CSNK1E: variants seen among roughly 807,000 people sequenced by gnomAD.
CSNK1E encodes casein kinase 1 epsilon.
CSNK1E carries 17 observed loss-of-function variants against 46.1 expected under a neutral mutation model. The observed-to-expected ratio is 0.37, with a 90% CI of 0.25 to 0.55. The LOEUF (loss-of-function observed/expected upper bound fraction) is 0.55. Ranked by LOEUF, CSNK1E falls within the 20% of genes least tolerant of loss-of-function variation. CSNK1E has a pLI of 0.82. For missense variants in CSNK1E, 386 were observed against 595.4 expected, an observed-to-expected ratio of 0.65 and a Z score of 3.66; for synonymous variants, 241 against 242.6, an observed-to-expected ratio of 0.99 and a Z score of 0.06.
At position 38,304,982 on chromosome 22, in the gene CSNK1E, C is replaced by T. The variant is rs139372358; in HGVS notation, c.77-1734G>A. ...ACCAAAAATACAAAAATTAGCCGGG[C>T]GCAGTGGCAGGCATCTGTAATCCCA... On this transcript the variant is annotated intron_variant, in intron 2 of 10. Transcript: ENST00000396832. 1.6e-4 allele frequency among the ~76,000 whole-genome samples: 25 copies of T among 151,968 alleles called. No homozygotes were observed. In the East Asian group the frequency reaches 4.6e-3, roughly 28 times the overall value.
chr22:38,297,202 C>T, intron 7 of CSNK1E: 1 of 770,382 alleles, frequency 1.3e-6, no homozygotes, highest in Non-Finnish European at 2.4e-6. Context: ...AGCTGGAGGG[C>T]CAAGCCCATC....
chr22:38,308,156 C>T (rs1483641308), intron 2 of CSNK1E, among the ~76,000 whole-genome samples: 3 of 152,140 alleles, frequency 2.0e-5, no homozygotes, highest in African/African-American at 7.2e-5. Flanking sequence ...AATCATACAA[C>T]GTGATTTTTT....
Position 38,290,939 on chromosome 22 carries a change from T to A in CSNK1E, c.*1032A>T, listed in dbSNP as rs1398094059. 1 of 141,284 alleles carries A rather than the reference T, an allele frequency of 7.1e-6. No individual in the cohort carries two copies. The highest frequency in any genetic ancestry group is 2.7e-5 in the African/African-American group (1 of 37,556). The allele number at this position is 141,284 out of a possible 1,614,324, so 8.8% of individuals were successfully genotyped here. A position where few individuals can be genotyped will look rare whatever the true frequency, so the allele number is the denominator to read the frequency against. The stretch of plus-strand genomic sequence containing the variant: ...ACGGAGAAAACAAACAAAAATAAAA[T>A]AAAATAAAAACAAAAAGGTGTTAAC... On this transcript the variant is annotated 3_prime_UTR_variant, in exon 11 of 11. Coordinates refer to ENST00000396832, the MANE Select transcript of CSNK1E (RefSeq NM_152221.3).
rs1400087823 is a variant in CSNK1E at position 38,303,270 on chromosome 22, G to A, written c.77-22C>T. 6 of 1,575,666 alleles carry A rather than the reference G, an allele frequency of 3.8e-6. No homozygotes were observed. In the Admixed American group the frequency reaches 5.3e-5, roughly 14 times the overall value. On this transcript the variant is annotated intron_variant, in intron 2 of 10. Transcript: ENST00000396832. This position sits in a 1 kb window ranked among gnomAD's most constrained non-coding sequence, Gnocchi z 4.7. ...GCACCTGCCCGGGGCAGGGAGGCAA[G>A]GGACCAGGGTCACCCTCAAAGGCCA...
intron 4 of CSNK1E, 81 bp from the exon 5 acceptor site, chr22:38,301,033 G>T: frequency 8.2e-7 from 1 of 1,221,136 alleles, no homozygotes; most frequent in Non-Finnish European, 1.2e-6. Flanking sequence ...GGGCCACAGA[G>T]GTGGAAAGGC....
intron 2 of CSNK1E, among the ~76,000 whole-genome samples, chr22:38,308,070 T>C (rs1015788907): frequency 6.6e-6 from 1 of 152,190 alleles, no homozygotes; most frequent in Non-Finnish European, 1.5e-5. Context: ...CTCCATCCCC[T>C]GCCCCCCAAC....
chr22:38,310,559 C>G (rs573528843), intron 2 of CSNK1E, among the ~76,000 whole-genome samples: 4 of 152,162 alleles, frequency 2.6e-5, no homozygotes, highest in African/African-American at 9.7e-5. Context: ...CACCTGTCAG[C>G]GAACAACACT....
Position 38,309,701 on chromosome 22 carries a change from C to T in CSNK1E, c.76+4381G>A, listed in dbSNP as rs1435899923. ...AACTCCTGACCTCAAATGATCTGCC[C>T]GCCTTGGTCTCCCAAGTGCTGGGAT... On this transcript the variant is annotated intron_variant, in intron 2 of 10. Coordinates refer to ENST00000396832, the MANE Select transcript of CSNK1E (RefSeq NM_152221.3). The surrounding 1 kb of genome is among the most constrained non-coding windows in gnomAD (Gnocchi z 4.8). Among the ~76,000 whole-genome samples the T allele has an allele frequency of 9.9e-5, 15 of 152,152 alleles. No homozygotes were observed. Among genetic ancestry groups the T allele is most frequent in the Admixed American group, 5.9e-4 (9 of 15,268 alleles).
chr22:38,315,918 C>T (rs1404325121), intron 1 of CSNK1E, among the ~76,000 whole-genome samples: 1 of 152,082 alleles, frequency 6.6e-6, no homozygotes, highest in Non-Finnish European at 1.5e-5. Flanking sequence ...CTTCAGGACC[C>T]CCTGACTGCT....
chr22:38,295,231 C>A (rs890654371), intron 7 of CSNK1E, among the ~76,000 whole-genome samples: 5 of 152,186 alleles, frequency 3.3e-5, no homozygotes, highest in Non-Finnish European at 5.9e-5. Flanking sequence ...ACGTTCCCCA[C>A]GGAGGAAGAA....
In CSNK1E at chr22:38,301,889, C is replaced by T. The variant is rs866981894; in HGVS notation, c.337-937G>A. ...GCTCACACACCTTCAGCCTACATCG[C>T]AGGGCTTTTGCAGACCAAGATTAAA... On this transcript the variant is annotated intron_variant, in intron 4 of 10. Transcript: ENST00000396832. 1.6e-4 allele frequency among the ~76,000 whole-genome samples: 25 copies of T among 152,262 alleles called. 1 individual carries two copies. In the Middle Eastern group the frequency reaches 0.01, roughly 62 times the overall value.
chr22:38,297,654 C>T (rs995729703), intron 7 of CSNK1E: 28 of 991,918 alleles, frequency 2.8e-5, no homozygotes, highest in Non-Finnish European at 2.8e-5. Context: ...AGGCCGCCAA[C>T]GGGGTCTAGC....
chr22:38,305,979 A>G (rs2092697137), intron 2 of CSNK1E, among the ~76,000 whole-genome samples: 1 of 152,220 alleles, frequency 6.6e-6, no homozygotes, highest in Non-Finnish European at 1.5e-5. Context: ...TTGGAACAGC[A>G]GAAGCTTGGA....
At chr22:38,293,521 T>C (rs1257536463) in intron 9 of CSNK1E, among the ~76,000 whole-genome samples, 1 of 151,774 alleles carries the variant, frequency 6.6e-6, no homozygotes, top group Non-Finnish European at 1.5e-5. Flanking sequence ...TCCCTGTCTG[T>C]AGCTAAGAAT....
At chr22:38,313,978 CT>C (rs1347340147) in intron 2 of CSNK1E, 103 bp downstream of exon 2, 1 of 1,100,544 alleles carries the variant, frequency 9.1e-7, no homozygotes, top group Admixed American at 1.8e-5. Context: ...AATCATGCCC[CT>C]GGAGCCACAT....
chr22:38,301,068 C>T, intron 4 of CSNK1E, 116 bp from the exon 5 acceptor site: 2 of 822,736 alleles, frequency 2.4e-6, no homozygotes, highest in East Asian at 2.5e-5. Flanking sequence ...CTGCCTTCGA[C>T]CATGAAGGAT....
chr22:38,300,517 G>A lies in CSNK1E; in HGVS notation c.565+207C>T, dbSNP rs995868459. Among the ~76,000 whole-genome samples the A allele has an allele frequency of 6.6e-6, 1 of 152,226 alleles. No homozygotes were observed. The highest frequency in any genetic ancestry group is 2.4e-5 in the African/African-American group (1 of 41,452). On this transcript the variant is annotated intron_variant, in intron 5 of 10. Transcript: ENST00000396832. The surrounding 1 kb of genome is among the most constrained non-coding windows in gnomAD (Gnocchi z 4.4). ...GGAAGCAGGGCCAGGGAAGGCGCCC[G>A]GCACACACAGCTTGGCTTACGAAGG...
At chr22:38,314,752 G>A (rs2092736251) in intron 1 of CSNK1E, among the ~76,000 whole-genome samples, 1 of 152,146 alleles carries the variant, frequency 6.6e-6, no homozygotes, top group African/African-American at 2.4e-5. Flanking sequence ...CTCCTAAGAG[G>A]GCCCTCATAG....
chr22:38,291,281 C>G lies in CSNK1E; in HGVS notation c.*690G>C, dbSNP rs1273020994. On this transcript the variant is annotated 3_prime_UTR_variant, in exon 11 of 11. Coordinates refer to ENST00000396832, the MANE Select transcript of CSNK1E (RefSeq NM_152221.3). Reference sequence around the variant, plus strand: ...AGACACAGGAGAACGGGAATTCGGGCTGGCAGGCGGGGCGGGCCGTGGCAC... The same window carrying G: ...AGACACAGGAGAACGGGAATTCGGGGTGGCAGGCGGGGCGGGCCGTGGCAC... 2.6e-5 allele frequency: 4 copies of G among 152,884 alleles called. No individual in the cohort carries two copies. The highest frequency in any genetic ancestry group is 9.7e-5 in the African/African-American group (4 of 41,444). 9.5% of individuals were successfully genotyped at this position (152,884 alleles called of 1,614,324 possible).
Sources: allele counts gnomAD v4.1 joint callset (sites outside exome capture counted in the v4.1 genomes callset), GRCh38; gene constraint gnomAD v4.1.1; non-coding constraint Gnocchi (gnomAD v3.1); transcripts MANE v1.5; gene names NCBI Gene and HGNC (gene_info 2026-07-23, HGNC 2026-07-21).